PLB1: variants seen among roughly 807,000 people sequenced by gnomAD.
PLB1 encodes phospholipase B1, also known as phospholipase B1, membrane-associated.
PLB1 carries 242 observed loss-of-function variants against 227.4 expected under a neutral mutation model. That is an observed-to-expected ratio of 1.06 (90% confidence interval 0.96 to 1.18). The LOEUF is 1.18. Among genes scored for constraint, PLB1 ranks in the 50% most tolerant of loss-of-function variants. PLB1 has a pLI of 0.00. For synonymous variants in PLB1, 757 were observed against 682.2 expected (o/e 1.11, Z -1.71); for missense variants, 1,858 against 1,816.3 (o/e 1.02, Z -0.42).
intron 4 of PLB1, among the ~76,000 whole-genome samples, chr2:28,520,696 G>T (rs1353813059): frequency 6.6e-6 from 1 of 152,140 alleles, no homozygotes; most frequent in Non-Finnish European, 1.5e-5. Flanking sequence ...AAATTGGCCA[G>T]GTGTGGTGGC....
chr2:28,602,603 G>GT (rs1296548483), intron 38 of PLB1, among the ~76,000 whole-genome samples: 1 of 152,238 alleles, frequency 6.6e-6, no homozygotes, highest in African/African-American at 2.4e-5. Context: ...ACTCCAGGAG[G>GT]TGCCATTGCC....
At chr2:28,580,031 C>T (rs1423713470) in intron 23 of PLB1, among the ~76,000 whole-genome samples, 1 of 152,226 alleles carries the variant, frequency 6.6e-6, no homozygotes, top group Non-Finnish European at 1.5e-5. Context: ...AGGTTAGCTC[C>T]CTTCCCCAGT....
In PLB1 at chr2:28,541,725, C is replaced by T. The variant is rs774632197; in HGVS notation, c.793C>T (p.Leu265=). ...WSYQEAWNSL[L]ASSRYSEQES... is the part of the protein sequence containing the mutation. ...TCTCCAGGAAGCCTGGAACAGCCTC[C>T]TGGCCTCCAGCAGGTACAGTGAGCA... The change falls in exon 13 of 58, where the codon CTG becomes TTG. Residue 265 remains leucine, a synonymous_variant. Transcript: ENST00000327757. 9 of 1,613,968 alleles carry T rather than the reference C, an allele frequency of 5.6e-6. No individual in the cohort carries two copies. The highest frequency in any genetic ancestry group is 1.3e-5 in the African/African-American group (1 of 75,044).
chr2:28,632,858 G>C, intron 55 of PLB1, 86 bp from the exon 56 acceptor site: 1 of 932,612 alleles, frequency 1.1e-6, no homozygotes, highest in Non-Finnish European at 1.7e-6. Context: ...AAGGAGACAT[G>C]CCCAGGGCAC....
chr2:28,611,360 C>A (rs1573420993), intron 43 of PLB1, among the ~76,000 whole-genome samples: 1 of 152,168 alleles, frequency 6.6e-6, no homozygotes, highest in Non-Finnish European at 1.5e-5. Flanking sequence ...TCAGTGCCTC[C>A]CATTCTGGTC....
rs747443889 is a variant in PLB1, at chr2:28,543,237, C to T, written c.905C>T (p.Thr302Ile). Residue 302 changes from threonine (T) to isoleucine (I), a missense_variant, in exon 14 of 58, where the codon ACC becomes ATC. Coordinates refer to ENST00000327757, the MANE Select transcript of PLB1 (RefSeq NM_153021.5). ...HSEDPRLQDS[T>I]TLAWHLWNRM... ...GAGGACCCCCGACTCCAGGATTCTA[C>T]CACGCTGGCCTGGCATCTCTGGAAT... The T allele has an allele frequency of 1.2e-6, 2 of 1,612,392 alleles. No individual in the cohort carries two copies. Among genetic ancestry groups the T allele is most frequent in the Admixed American group, 1.7e-5 (1 of 59,784 alleles).
At position 28,529,533 on chromosome 2, in the gene PLB1, C is replaced by G. The variant is rs192128861; in HGVS notation, c.416+126C>G. On this transcript the variant is annotated intron_variant, in intron 7 of 57. Coordinates refer to ENST00000327757, the MANE Select transcript of PLB1 (RefSeq NM_153021.5). Reference sequence around the variant, plus strand: ...AAAATAGAAGTATTTAAGTCAAAGCCCAAATGCCCCCTCAAGCTGATTTCA... The same window carrying G: ...AAAATAGAAGTATTTAAGTCAAAGCGCAAATGCCCCCTCAAGCTGATTTCA... The G allele has an allele frequency of 7.6e-5, 73 of 955,338 alleles. 1 individual carries two copies. In the East Asian group the frequency reaches 1.2e-3, roughly 16 times the overall value. The allele number at this position is 955,338 out of a possible 1,614,324, so 59.2% of individuals were successfully genotyped here.
intron 17 of PLB1, among the ~76,000 whole-genome samples, chr2:28,559,240 C>T (rs1484370109): frequency 2.0e-5 from 3 of 152,212 alleles, no homozygotes; most frequent in African/African-American, 7.2e-5. Flanking sequence ...CTGGCAGCAT[C>T]AGCATTACCT....
At chr2:28,520,982 AC>A (rs1330945311) in intron 4 of PLB1, among the ~76,000 whole-genome samples, 1 of 152,214 alleles carries the variant, frequency 6.6e-6, no homozygotes, top group East Asian at 1.9e-4. Context: ...TCTTAAAAAA[AC>A]AAAACAAAAA....
intron 43 of PLB1, among the ~76,000 whole-genome samples, chr2:28,612,881 G>C (rs908923045): frequency 2.0e-5 from 3 of 149,032 alleles, no homozygotes; most frequent in Non-Finnish European, 4.4e-5. Flanking sequence ...GCCTCCCAAA[G>C]TGCTGGGGTT....
At chr2:28,554,085 A>G (rs896032298) in intron 17 of PLB1, among the ~76,000 whole-genome samples, 5 of 152,206 alleles carry the variant, frequency 3.3e-5, no homozygotes, top group African/African-American at 1.2e-4. Flanking sequence ...AGGATGGAAT[A>G]GGGGATGTAG....
At chr2:28,565,158 T>C in intron 18 of PLB1, 122 bp from the exon 19 acceptor site, 2 of 767,178 alleles carry the variant, frequency 2.6e-6, no homozygotes. Flanking sequence ...ATCTAGACCC[T>C]AGATCCCAGA....
chr2:28,582,163 C>A (rs781175224), intron 24 of PLB1, 30 bp downstream of exon 24: 1 of 1,600,258 alleles, frequency 6.2e-7, no homozygotes, highest in East Asian at 2.2e-5. Context: ...AGGCCTGCAT[C>A]TTAGACCTCA....
chr2:28,611,287 C>T (rs900905828), intron 43 of PLB1, among the ~76,000 whole-genome samples: 35 of 152,136 alleles, frequency 2.3e-4, no homozygotes, highest in African/African-American at 8.0e-4. Context: ...CAAATAGATT[C>T]AATGAAACAC....
At position 28,529,736 on chromosome 2, in the gene PLB1, G is replaced by C; in HGVS notation, c.425G>C (p.Trp142Ser). The change falls in exon 8 of 58, where the codon TGG (tryptophan) becomes TCG (serine). Residue 142 changes from tryptophan to serine, a missense_variant. Physicochemically the swap from Trp to Ser is radical, Grantham distance 177. Transcript: ENST00000327757. ...TCCCTCCCTCTGCACAGAGACTTGT[G>C]GATTCAGGCTCAAGAACTGGTGAGA... ...VIPHDGAEDL[W>S]IQAQELVRNM... is the part of the protein sequence containing the mutation. 1 of 1,614,028 alleles carries C rather than the reference G, an allele frequency of 6.2e-7. No individual in the cohort carries two copies.
chr2:28,570,571 A>C (rs1293006595), intron 20 of PLB1, among the ~76,000 whole-genome samples: 1 of 152,222 alleles, frequency 6.6e-6, no homozygotes, highest in Non-Finnish European at 1.5e-5. Context: ...GGATCGCTTG[A>C]AGTCAGGAGT....
intron 19 of PLB1, among the ~76,000 whole-genome samples, chr2:28,565,831 A>T (rs1044923631): frequency 1.3e-5 from 2 of 152,242 alleles, no homozygotes; most frequent in African/African-American, 4.8e-5. Context: ...GAAAGAATTT[A>T]GGTGTCCAGC....
chr2:28,579,430 A>G (rs1489236458), intron 22 of PLB1, among the ~76,000 whole-genome samples, 197 bp from the exon 23 acceptor site: 1 of 152,224 alleles, frequency 6.6e-6, no homozygotes, highest in East Asian at 1.9e-4. Flanking sequence ...ATGCAAGTTC[A>G]GTGATTCCAC....
chr2:28,581,487 AAATAAATAAATAAATAAAT>A (rs1247285920), intron 23 of PLB1, among the ~76,000 whole-genome samples: 4 of 37,586 alleles, frequency 1.1e-4, no homozygotes, highest in East Asian at 4.1e-4. Context: ...CCACGCAAAA[AAATAAATAAATAAATAAAT>A]AAATAAATAA....
Sources: allele counts gnomAD v4.1 joint callset (sites outside exome capture counted in the v4.1 genomes callset), GRCh38; gene constraint gnomAD v4.1.1; transcripts MANE v1.5; gene names NCBI Gene and HGNC (gene_info 2026-07-23, HGNC 2026-07-21).